RSRC1: variants seen among roughly 807,000 people sequenced by gnomAD.
RSRC1 encodes the protein arginine and serine rich coiled-coil 1, also known as serine/Arginine-related protein 53.
RSRC1 carries 39 observed loss-of-function variants against 49.1 expected under a neutral mutation model. The ratio of observed to expected loss-of-function variants is 0.79; its 90% CI spans 0.61 to 1.04. The LOEUF (loss-of-function observed/expected upper bound fraction) is 1.04, where lower values mean the gene tolerates loss of function less well. Ranked by LOEUF, RSRC1 falls within the 50% of genes least tolerant of loss-of-function variation. The pLI, the probability that RSRC1 is intolerant of heterozygous loss-of-function variation, is 0.00. For synonymous variants in RSRC1, 143 were observed against 130.8 expected, an observed-to-expected ratio of 1.09 and a Z score of -0.63; for missense variants, 388 against 402.4, an observed-to-expected ratio of 0.96 and a Z score of 0.31.
At chr3:158,362,248 G>T (rs1031545733) in intron 6 of RSRC1, among the ~76,000 whole-genome samples, 1 of 152,176 alleles carries the variant, frequency 6.6e-6, no homozygotes, top group African/African-American at 2.4e-5. Context: ...GCTGAGGTGG[G>T]ACATTGCTTG....
chr3:158,370,168 G>A (rs1731988710), intron 6 of RSRC1, among the ~76,000 whole-genome samples: 2 of 151,930 alleles, frequency 1.3e-5, no homozygotes, highest in African/African-American at 4.8e-5. Context: ...TCTCTGGATA[G>A]TGGGATTTAG....
intron 7 of RSRC1, among the ~76,000 whole-genome samples, chr3:158,503,954 G>A (rs1342931276): frequency 6.6e-6 from 1 of 152,162 alleles, no homozygotes; most frequent in African/African-American, 2.4e-5. Context: ...TCCCTGTGGT[G>A]TTTTTCCCCC....
intron 3 of RSRC1, among the ~76,000 whole-genome samples, chr3:158,197,816 T>C (rs1366684798): frequency 6.6e-6 from 1 of 152,228 alleles, no homozygotes; most frequent in African/African-American, 2.4e-5. Context: ...GTGAGTTTCT[T>C]AATCGTCAGT....
intron 7 of RSRC1, among the ~76,000 whole-genome samples, chr3:158,533,344 C>G (rs552380746): frequency 6.6e-6 from 1 of 151,888 alleles, no homozygotes; most frequent in African/African-American, 2.4e-5. Flanking sequence ...TGCTCTGTCA[C>G]TTTGTTAGTT....
chr3:158,400,313 T>C (rs1310895618), intron 6 of RSRC1, among the ~76,000 whole-genome samples: 1 of 152,286 alleles, frequency 6.6e-6, no homozygotes, highest in East Asian at 1.9e-4. Flanking sequence ...ATAGCACATA[T>C]AATTATAGAC....
At chr3:158,246,685 C>T (rs1290395867) in intron 4 of RSRC1, among the ~76,000 whole-genome samples, 2 of 152,252 alleles carry the variant, frequency 1.3e-5, no homozygotes, top group Admixed American at 1.3e-4. Flanking sequence ...CAATTCTTTT[C>T]TTTAAGAATG....
intron 6 of RSRC1, among the ~76,000 whole-genome samples, chr3:158,383,747 G>A (rs1732829173): frequency 6.6e-6 from 1 of 151,978 alleles, no homozygotes; most frequent in Non-Finnish European, 1.5e-5. Flanking sequence ...TTTTGTAATT[G>A]AAAATTTGAA....
chr3:158,476,462 G>A (rs114632113), intron 7 of RSRC1, among the ~76,000 whole-genome samples: 2,576 of 152,144 alleles, frequency 0.017, 73 homozygotes, highest in African/African-American at 0.059. Context: ...CTCTTGTCAG[G>A]GGCTAATGCA....
chr3:158,431,155 T>G (rs576890018), intron 6 of RSRC1, among the ~76,000 whole-genome samples: 9 of 152,062 alleles, frequency 5.9e-5, no homozygotes, highest in African/African-American at 2.2e-4. Flanking sequence ...AGCTAATCTT[T>G]AATAATTGTT....
intron 5 of RSRC1, among the ~76,000 whole-genome samples, chr3:158,340,726 G>A (rs144927996): frequency 2.0e-5 from 3 of 152,262 alleles, no homozygotes; most frequent in Admixed American, 1.3e-4. Context: ...CCAATAGAAT[G>A]GGGTGTTGCT....
chr3:158,271,981 G>T (rs992745695), intron 4 of RSRC1, among the ~76,000 whole-genome samples: 13 of 151,988 alleles, frequency 8.6e-5, no homozygotes, highest in African/African-American at 2.2e-4. Context: ...TGTTTAATGT[G>T]CATTGATAAT....
At chr3:158,196,590 G>A (rs989643883) in intron 3 of RSRC1, among the ~76,000 whole-genome samples, 3 of 152,100 alleles carry the variant, frequency 2.0e-5, no homozygotes, top group Admixed American at 6.6e-5. Flanking sequence ...GTTTTCAAAG[G>A]GAATGCTTCC....
At chr3:158,311,861 AG>A (rs1320170671) in intron 5 of RSRC1, among the ~76,000 whole-genome samples, 2 of 152,168 alleles carry the variant, frequency 1.3e-5, no homozygotes. Context: ...GTTAGACCTC[AG>A]TAAACCAAAA....
intron 6 of RSRC1, among the ~76,000 whole-genome samples, chr3:158,441,848 T>C (rs1736394406): frequency 6.6e-6 from 1 of 152,026 alleles, no homozygotes; most frequent in African/African-American, 2.4e-5. Flanking sequence ...CTCTAGTGAA[T>C]ACAAAGGACC....
intron 7 of RSRC1, among the ~76,000 whole-genome samples, chr3:158,499,237 C>T (rs762169090): frequency 1.3e-5 from 2 of 151,920 alleles, no homozygotes; most frequent in African/African-American, 2.4e-5. Flanking sequence ...ATTAGCCAGG[C>T]GTGGTGGCAC....
intron 5 of RSRC1, among the ~76,000 whole-genome samples, chr3:158,337,419 A>G (rs149694495): frequency 6.6e-6 from 1 of 152,180 alleles, no homozygotes; most frequent in African/African-American, 2.4e-5. Context: ...AGAACTGCCA[A>G]TCCGAGAGCT....
chr3:158,135,599 GT>G (rs146421587), intron 3 of RSRC1, among the ~76,000 whole-genome samples: 18 of 148,418 alleles, frequency 1.2e-4, no homozygotes, highest in African/African-American at 3.2e-4. Flanking sequence ...AATTTTTAAT[GT>G]TTTTTTTTTC....
At chr3:158,396,393 T>TG (rs1733613690) in intron 6 of RSRC1, among the ~76,000 whole-genome samples, 1 of 94,894 alleles carries the variant, frequency 1.1e-5, no homozygotes, top group Admixed American at 1.1e-4. Context: ...ATGGGCAATG[T>TG]TTTTTTTTTT....
chr3:158,176,093 A>G (rs1719196269), intron 3 of RSRC1, among the ~76,000 whole-genome samples: 1 of 152,174 alleles, frequency 6.6e-6, no homozygotes, highest in African/African-American at 2.4e-5. Context: ...CCAACTTACA[A>G]GGGATGTGAA....
Sources: gnomAD v4.1 joint callset for allele counts (sites outside exome capture counted in the v4.1 genomes callset) on GRCh38, gnomAD v4.1.1 for gene constraint, MANE v1.5 for transcripts, NCBI Gene and HGNC (gene_info 2026-07-23, HGNC 2026-07-21) for gene names.